The following RALGAPA1 variants were observed in gnomAD, a reference collection of about 807,000 sequenced individuals.
RALGAPA1 encodes the protein Ral GTPase activating protein catalytic subunit alpha 1.
A neutral mutation model predicts 269.6 loss-of-function variants in RALGAPA1; 52 were observed. The observed-to-expected ratio is 0.19, with a 90% CI of 0.15 to 0.24. The LOEUF (loss-of-function observed/expected upper bound fraction) is 0.24, where lower values mean the gene tolerates loss of function less well. Ranked by LOEUF, RALGAPA1 falls within the 10% of genes least tolerant of loss-of-function variation. The probability of loss-of-function intolerance (pLI) is 1.00; values close to 1 mark genes in which losing one functional copy is unlikely to be tolerated. For missense variants in RALGAPA1, 1,917 were observed against 3,013.9 expected (o/e 0.64, Z 8.52); for synonymous variants, 817 against 1,008.3 (o/e 0.81, Z 3.60).
At chr14:35,581,358 C>T (rs1169875272) in intron 37 of RALGAPA1, among the ~76,000 whole-genome samples, 3 of 151,846 alleles carry the variant, frequency 2.0e-5, no homozygotes, top group Non-Finnish European at 4.4e-5. Context: ...AAAATTTCTA[C>T]GAAAAGAAAG....
chr14:35,654,292 T>C, intron 30 of RALGAPA1, 75 bp downstream of exon 30: 2 of 1,397,476 alleles, frequency 1.4e-6, no homozygotes, highest in South Asian at 1.6e-5. Flanking sequence ...AACTATTAAA[T>C]AATTTTACAA....
At chr14:35,693,332 T>C (rs1245787170) in intron 17 of RALGAPA1, among the ~76,000 whole-genome samples, 2 of 151,762 alleles carry the variant, frequency 1.3e-5, no homozygotes, top group South Asian at 2.1e-4. Context: ...TAGTAAATTA[T>C]ACAGAAGGAA....
intron 11 of RALGAPA1, among the ~76,000 whole-genome samples, chr14:35,741,386 T>C (rs1357716748): frequency 6.6e-6 from 1 of 152,132 alleles, no homozygotes; most frequent in African/African-American, 2.4e-5. Context: ...TTTACTTCAA[T>C]TATATTTCTC....
Position 35,625,415 on chromosome 14 carries a change from A to G in RALGAPA1, c.6875T>C (p.Leu2292Pro). The stretch of plus-strand genomic sequence containing the variant: ...TCTAAGTAGCTTTTCATTTTTCTTC[A>G]GGAGATGAAAGCTCCTCCTAAATAG... ...SWDKRRSFHL[L>P]KKNEKLLREL... is the part of the protein sequence containing the mutation. The change falls in exon 35 of 42, where the codon CTG becomes CCG. Residue 2292 changes from leucine to proline, a missense_variant. Transcript: ENST00000680220. The G allele has an allele frequency of 6.2e-6, 10 of 1,608,998 alleles. No individual in the cohort carries two copies. The highest frequency in any genetic ancestry group is 8.5e-6 in the Non-Finnish European group (10 of 1,177,466).
At chr14:35,745,763 CAAAAAAAAAA>C (rs1157650791) in intron 10 of RALGAPA1, among the ~76,000 whole-genome samples, 7 of 33,138 alleles carry the variant, frequency 2.1e-4, no homozygotes, top group African/African-American at 6.9e-4. Flanking sequence ...GACTCCATCT[CAAAAAAAAAA>C]AAAAAAAAAA....
chr14:35,686,511 T>C (rs374987225), intron 19 of RALGAPA1, 31 bp downstream of exon 19: 5 of 1,571,846 alleles, frequency 3.2e-6, no homozygotes, highest in Non-Finnish European at 4.3e-6. Context: ...TACCCTCCTC[T>C]ATAAAACCAA....
chr14:35,806,204 TA>T (rs2077367880), intron 1 of RALGAPA1, among the ~76,000 whole-genome samples: 1 of 152,234 alleles, frequency 6.6e-6, no homozygotes, highest in Non-Finnish European at 1.5e-5. Context: ...AAGCACTTTT[TA>T]TTTTTATATC....
chr14:35,680,204 T>C (rs891976496), intron 21 of RALGAPA1, among the ~76,000 whole-genome samples: 1 of 152,198 alleles, frequency 6.6e-6, no homozygotes, highest in South Asian at 2.1e-4. Flanking sequence ...CTAGATTTTA[T>C]TTTATTATCA....
intron 12 of RALGAPA1, among the ~76,000 whole-genome samples, chr14:35,738,264 T>TA (rs932519706): frequency 1.3e-5 from 2 of 151,556 alleles, no homozygotes; most frequent in African/African-American, 4.8e-5. Context: ...GAATGGCTAA[T>TA]AAAAAAAATC....
In RALGAPA1 at chr14:35,629,564, C is replaced by T. The variant is rs1182934499; in HGVS notation, c.5996-1613G>A. On this transcript the variant is annotated intron_variant, in intron 33 of 41. Transcript: ENST00000680220. ...TGTCTCCCAGGCTGGAGTGCAGTGG[C>T]GCAATCTTGGCTCACTGCAACCTCC... 8.5e-5 allele frequency among the ~76,000 whole-genome samples: 13 copies of T among 152,134 alleles called. No individual in the cohort carries two copies. The South Asian group carries it at 1.2e-3, about 15-fold the overall frequency.
chr14:35,721,706 C>A lies in RALGAPA1; in HGVS notation c.2248G>T (p.Val750Leu). 3.1e-6 allele frequency: 5 copies of A among 1,613,036 alleles called. No homozygotes were observed. The East Asian group carries it at 1.1e-4, about 36-fold the overall frequency. Reference sequence around the variant, plus strand: ...TACATACCGACAGTTTTTTGCCGTACTATACTCCTCGCCTTTTCGGTTCCT... The same window carrying A: ...TACATACCGACAGTTTTTTGCCGTAATATACTCCTCGCCTTTTCGGTTCCT... ...SPGTEKARSI[V>L]RQKTVAMRSR... The change falls in exon 16 of 42, where the codon GTA (valine) becomes TTA (leucine). Residue 750 changes from valine to leucine, a missense_variant. Coordinates refer to ENST00000680220, the MANE Select transcript of RALGAPA1 (RefSeq NM_001346249.2).
At chr14:35,713,866 C>T (rs900534678) in intron 16 of RALGAPA1, among the ~76,000 whole-genome samples, 10 of 152,028 alleles carry the variant, frequency 6.6e-5, no homozygotes, top group Non-Finnish European at 1.0e-4. Context: ...GAGGCCCAGG[C>T]GGGTGGACTA....
intron 11 of RALGAPA1, among the ~76,000 whole-genome samples, chr14:35,739,222 T>C (rs2071329617): frequency 6.6e-6 from 1 of 152,200 alleles, no homozygotes; most frequent in African/African-American, 2.4e-5. Context: ...ACTCTGCAGT[T>C]CTCTTTTTAA....
chr14:35,599,091 T>C (rs2059113221), intron 36 of RALGAPA1, among the ~76,000 whole-genome samples: 1 of 152,210 alleles, frequency 6.6e-6, no homozygotes, highest in Non-Finnish European at 1.5e-5. Flanking sequence ...AAAGTAACCC[T>C]ACCTTACTAT....
chr14:35,767,400 A>T (rs1206855436), intron 4 of RALGAPA1, among the ~76,000 whole-genome samples: 1 of 152,204 alleles, frequency 6.6e-6, no homozygotes, highest in Non-Finnish European at 1.5e-5. Context: ...AAAAAACTAG[A>T]AACAGGGCCA....
Position 35,797,351 on chromosome 14 carries a change from C to CAAAAAAAAAA in RALGAPA1, c.106+11369_106+11378dup, listed in dbSNP as rs530576211. On this transcript the variant is annotated intron_variant, in intron 1 of 41. Coordinates refer to ENST00000680220, the MANE Select transcript of RALGAPA1 (RefSeq NM_001346249.2). ...CTGGTGACAGAGCGAGACTCCGTCTCAAAAAAAAAAAAAAAAAGATGCCAA... is the reference window on the plus strand; with the variant it reads ...CTGGTGACAGAGCGAGACTCCGTCTCAAAAAAAAAAAAAAAAAAAAAAAAAAAGATGCCAA... Among the ~76,000 whole-genome samples, 33 of 60,120 alleles carry CAAAAAAAAAA rather than the reference C, an allele frequency of 5.5e-4. 6 individuals carry two copies. The highest frequency in any genetic ancestry group is 2.0e-3 in the African/African-American group (26 of 12,990). The allele number at this position is 60,120 out of a possible 152,430, so 39.4% of individuals were successfully genotyped here.
chr14:35,660,172 G>A (rs1392369778), intron 27 of RALGAPA1, among the ~76,000 whole-genome samples: 1 of 152,000 alleles, frequency 6.6e-6, no homozygotes, highest in Non-Finnish European at 1.5e-5. Context: ...GTCCTAGCCA[G>A]AGCAATTAGG....
intron 21 of RALGAPA1, among the ~76,000 whole-genome samples, chr14:35,681,467 G>A (rs2065434976): frequency 6.6e-6 from 1 of 151,976 alleles, no homozygotes; most frequent in African/African-American, 2.4e-5. Context: ...CCTAAAACAG[G>A]TTCTCCATAT....
chr14:35,590,498 A>C (rs960976994), intron 37 of RALGAPA1, among the ~76,000 whole-genome samples: 2 of 152,082 alleles, frequency 1.3e-5, no homozygotes, highest in African/African-American at 2.4e-5. Flanking sequence ...AGTGGTAGTG[A>C]GTTCTCATGA....
Sources: gnomAD v4.1 joint callset for allele counts (sites outside exome capture counted in the v4.1 genomes callset) on GRCh38, gnomAD v4.1.1 for gene constraint, MANE v1.5 for transcripts, NCBI Gene and HGNC (gene_info 2026-07-23, HGNC 2026-07-21) for gene names.